Variants in ADGRB1 observed in about 807,000 individuals in gnomAD.
ADGRB1 encodes the protein adhesion G protein-coupled receptor B1, also known as brain-specific angiogenesis inhibitor 1.
Under a neutral mutation model 175.7 loss-of-function variants are expected in ADGRB1, and 36 were observed. That is an observed-to-expected ratio of 0.20 (90% CI 0.16 to 0.27). The LOEUF (loss-of-function observed/expected upper bound fraction) is 0.27. Ranked by LOEUF, ADGRB1 falls within the 10% of genes least tolerant of loss-of-function variation. ADGRB1 has a pLI of 1.00. For missense variants in ADGRB1, 1,731 were observed against 2,255.3 expected, an observed-to-expected ratio of 0.77 and a Z score of 4.71; for synonymous variants, 1,054 against 979.4, an observed-to-expected ratio of 1.08 and a Z score of -1.42.
chr8:142,500,375 TGCC>T lies in ADGRB1; in HGVS notation c.2675+9561_2675+9563del, dbSNP rs546500668. 7.7e-4 allele frequency among the ~76,000 whole-genome samples: 14 copies of T among 18,170 alleles called. 4 individuals carry two copies. The highest frequency in any genetic ancestry group is 5.4e-3 in the African/African-American group (14 of 2,586). 11.9% of individuals were successfully genotyped at this position (18,170 alleles called of 152,430 possible). On this transcript the variant is annotated intron_variant, in intron 17 of 30. Coordinates refer to ENST00000517894, the MANE Select transcript of ADGRB1 (RefSeq NM_001702.3). ...CCCGCCCCCCGCGCCTTTCCTCCCC[TGCC>T]CCCCGCGCCGCTCCTCCCCCGCCCC...
chr8:142,488,302 G>A, intron 13 of ADGRB1, 62 bp from the exon 14 acceptor site: 1 of 1,594,202 alleles, frequency 6.3e-7, no homozygotes. Flanking sequence ...CGCAGCTGAG[G>A]CCCCGCCACA....
intron 27 of ADGRB1, chr8:142,539,782 T>C (rs1007177257): frequency 2.1e-5 from 7 of 334,814 alleles, no homozygotes; most frequent in South Asian, 4.4e-5. Flanking sequence ...CTAGTGCCGC[T>C]CCCCCCCCCT....
chr8:142,481,269 G>C lies in ADGRB1; in HGVS notation c.1844G>C (p.Arg615Pro), dbSNP rs753383351. ...PRNATGLILR[R>P]CELDEEGIAY... ...GTCTCCCCAGGACTCATCCTGCGAC[G>C]GTGTGAGCTGGACGAGGAAGGCATC... The change falls in exon 10 of 31, where the codon CGG becomes CCG. Residue 615 changes from arginine to proline, a missense_variant. Around this residue, in one of 8 missense-constraint regions of ADGRB1, gnomAD observed 388 missense variants for 630.9 expected, o/e 0.61. Coordinates refer to ENST00000517894, the MANE Select transcript of ADGRB1 (RefSeq NM_001702.3). The C allele has an allele frequency of 6.2e-7, 1 of 1,613,684 alleles. No homozygotes were observed. Among genetic ancestry groups the C allele is most frequent in the African/African-American group, 1.3e-5 (1 of 74,946 alleles).
intron 25 of ADGRB1, among the ~76,000 whole-genome samples, chr8:142,536,167 C>T: frequency 6.6e-6 from 1 of 152,106 alleles, no homozygotes; most frequent in Non-Finnish European, 1.5e-5. Flanking sequence ...CTGCCAACTT[C>T]TGTTTGGATG....
At chr8:142,540,974 A>G (rs1845237731) in intron 27 of ADGRB1, among the ~76,000 whole-genome samples, 1 of 151,898 alleles carries the variant, frequency 6.6e-6, no homozygotes, top group South Asian at 2.1e-4. Context: ...CTTGGGGGGC[A>G]TTGGTGACCC....
intron 18 of ADGRB1, 54 bp from the exon 19 acceptor site, chr8:142,518,084 C>T (rs554101034): frequency 1.3e-5 from 21 of 1,561,974 alleles, no homozygotes; most frequent in African/African-American, 8.1e-5. Context: ...TCGGGTCTGC[C>T]GAGTGGGCGA....
rs1842019353 is a variant in ADGRB1, at chr8:142,492,304, G to A, written c.2675+1489G>A. Among the ~76,000 whole-genome samples, 1 of 152,098 alleles carries A rather than the reference G, an allele frequency of 6.6e-6. No homozygotes were observed. Among genetic ancestry groups the A allele is most frequent in the Admixed American group, 6.5e-5 (1 of 15,280 alleles). Reference sequence around the variant, plus strand: ...CTCCGGCGGTCACTACCCTCTGATGGGCACTATTCTGGCAGGTCCCAGCCT... The same window carrying A: ...CTCCGGCGGTCACTACCCTCTGATGAGCACTATTCTGGCAGGTCCCAGCCT... On this transcript the variant is annotated intron_variant, in intron 17 of 30. Coordinates refer to ENST00000517894, the MANE Select transcript of ADGRB1 (RefSeq NM_001702.3). This position sits in a 1 kb window ranked among gnomAD's most constrained non-coding sequence, Gnocchi z 4.4.
chr8:142,536,903 C>A (rs529259503), intron 25 of ADGRB1, 84 bp from the exon 26 acceptor site: 6 of 1,214,072 alleles, frequency 4.9e-6, no homozygotes, highest in Non-Finnish European at 6.8e-6. Context: ...CGCCCGCCCC[C>A]CCACAGGTGC....
intron 19 of ADGRB1, 107 bp from the exon 20 acceptor site, chr8:142,520,716 C>T: frequency 1.2e-6 from 1 of 839,650 alleles, no homozygotes; most frequent in Middle Eastern, 2.2e-4. Flanking sequence ...GGTGACAATG[C>T]CTGCAGGAAG....
chr8:142,542,459 G>A lies in ADGRB1; in HGVS notation c.4225G>A (p.Ala1409Thr), dbSNP rs753873724. 254 of 1,017,924 alleles carry A rather than the reference G, an allele frequency of 2.5e-4. 2 individuals carry two copies. In the South Asian group the frequency reaches 4.2e-3, roughly 17 times the overall value. The allele number at this position is 1,017,924 out of a possible 1,614,324, so 63.1% of individuals were successfully genotyped here. Residue 1409 changes from alanine to threonine, a missense_variant, in exon 28 of 31, where the codon GCC becomes ACC. Around this residue, in one of 8 missense-constraint regions of ADGRB1, gnomAD observed 394 missense variants for 410.2 expected, o/e 0.96. Transcript: ENST00000517894. The surrounding 1 kb of genome is among the most constrained non-coding windows in gnomAD (Gnocchi z 6.3). Reference protein sequence around the residue: ...PSGGPPEAPPAQPPPPPPPPP... With the variant: ...PSGGPPEAPPTQPPPPPPPPP... ...CGGCGGGCCCCCCGAGGCACCCCCT[G>A]CCCAGCCCCCACCGCCTCCGCCCCC...
chr8:142,478,221 G>A lies in ADGRB1; in HGVS notation c.1422G>A (p.Ser474=), dbSNP rs775530194. ...TGGATGGAAACTGGAATGAGTGGTC[G>A]AGCTGGAGCGCCTGCTCCGCCAGCT... ...RAVDGNWNEW[S]SWSACSASCS... is the part of the protein sequence containing the mutation. Residue 474 remains serine, a synonymous_variant, in exon 7 of 31, where the codon TCG becomes TCA. Transcript: ENST00000517894. 27 of 1,607,474 alleles carry A rather than the reference G, an allele frequency of 1.7e-5. No individual in the cohort carries two copies. The African/African-American group carries it at 1.9e-4, about 11-fold the overall frequency.
intron 2 of ADGRB1, among the ~76,000 whole-genome samples, chr8:142,467,908 G>A (rs1054968862): frequency 5.9e-5 from 9 of 152,222 alleles, no homozygotes; most frequent in African/African-American, 9.6e-5. Flanking sequence ...ATATGCTCGC[G>A]TATTCTTAGG....
At chr8:142,490,031 G>T (rs752056976) in intron 16 of ADGRB1, among the ~76,000 whole-genome samples, 4 of 152,156 alleles carry the variant, frequency 2.6e-5, no homozygotes, top group Non-Finnish European at 5.9e-5. Flanking sequence ...CCGAGAACCA[G>T]GGCCCCCAGG....
In ADGRB1 at chr8:142,544,675, G is replaced by A; in HGVS notation, c.*258G>A. ...CAGACTCCGCCCTCCTCGGGCCGAGGCCCAGCGGGCAGATGGGCGGACGGC... is the reference window on the plus strand; with the variant it reads ...CAGACTCCGCCCTCCTCGGGCCGAGACCCAGCGGGCAGATGGGCGGACGGC... On this transcript the variant is annotated 3_prime_UTR_variant, in exon 31 of 31. Coordinates refer to ENST00000517894, the MANE Select transcript of ADGRB1 (RefSeq NM_001702.3). 2.8e-6 allele frequency: 1 copy of A among 352,544 alleles called. No individual in the cohort carries two copies. The highest frequency in any genetic ancestry group is 5.0e-6 in the Non-Finnish European group (1 of 199,020). The allele number at this position is 352,544 out of a possible 1,614,324, so 21.8% of individuals were successfully genotyped here. A position where few individuals can be genotyped will look rare whatever the true frequency, so the allele number is the denominator to read the frequency against.
chr8:142,539,230 C>T (rs1319963061), intron 26 of ADGRB1, 144 bp from the exon 27 acceptor site: 2 of 766,874 alleles, frequency 2.6e-6, no homozygotes, highest in Non-Finnish European at 2.1e-6. Flanking sequence ...CATGGTCGCC[C>T]ACGTGGGGCA....
chr8:142,470,361 G>A (rs912793919), intron 2 of ADGRB1, among the ~76,000 whole-genome samples: 9 of 152,158 alleles, frequency 5.9e-5, no homozygotes, highest in African/African-American at 1.2e-4. Context: ...AAAAAGCAGC[G>A]TCCTGGGGCC....
intron 17 of ADGRB1, among the ~76,000 whole-genome samples, chr8:142,491,183 C>T (rs990558151): frequency 3.3e-5 from 5 of 152,220 alleles, no homozygotes; most frequent in South Asian, 4.1e-4. Flanking sequence ...TGAGGGGCTG[C>T]GAAAGCTTCC....
In ADGRB1 at chr8:142,539,793, G is replaced by A. The variant is rs1267943068; in HGVS notation, c.3706+380G>A. The A allele has an allele frequency of 2.0e-5, 6 of 306,472 alleles. No homozygotes were observed. In the East Asian group the frequency reaches 4.0e-4, roughly 20 times the overall value. The allele number at this position is 306,472 out of a possible 1,614,324, so 19.0% of individuals were successfully genotyped here. ...CACCCTAGTGCCGCTCCCCCCCCCT[G>A]CCTCCTGCCCACCGCCCTCTAGCAC... On this transcript the variant is annotated intron_variant, in intron 27 of 30. Transcript: ENST00000517894.
intron 1 of ADGRB1, among the ~76,000 whole-genome samples, chr8:142,453,118 C>T (rs1839460726): frequency 6.6e-6 from 1 of 150,784 alleles, no homozygotes; most frequent in Non-Finnish European, 1.5e-5. Flanking sequence ...CGGAGCCCCC[C>T]TCGCCGGCCC....
Sources: gnomAD v4.1 joint callset for allele counts (sites outside exome capture counted in the v4.1 genomes callset) on GRCh38, gnomAD v4.1.1 for gene constraint, gnomAD v4.1.1 regional missense constraint, Gnocchi (gnomAD v3.1) non-coding constraint, MANE v1.5 for transcripts, NCBI Gene and HGNC (gene_info 2026-07-23, HGNC 2026-07-21) for gene names.